EPHB1: variants seen among roughly 807,000 people sequenced by gnomAD.
EPHB1 encodes the protein ephrin type-B receptor 1.
In EPHB1, 30 loss-of-function variants were observed where a neutral mutation model predicts 94.4. That is an observed-to-expected ratio of 0.32 (90% CI 0.24 to 0.43). The LOEUF is 0.43. Among genes scored for constraint, EPHB1 ranks in the 20% least tolerant of loss-of-function variants. The pLI, the probability that EPHB1 is intolerant of heterozygous loss-of-function variation, is 1.00. For missense variants in EPHB1, 1,055 were observed against 1,308.3 expected (o/e 0.81, Z 2.99); for synonymous variants, 522 against 489.1 (o/e 1.07, Z -0.89).
At position 134,801,402 on chromosome 3, in the gene EPHB1, A is replaced by G. The variant is rs139965297; in HGVS notation, c.58+5713A>G. 1.9e-3 allele frequency among the ~76,000 whole-genome samples: 289 copies of G among 152,228 alleles called. 3 individuals carry two copies. Among genetic ancestry groups the G allele is most frequent in the Non-Finnish European group, 1.9e-3 (131 of 68,004 alleles). On this transcript the variant is annotated intron_variant, in intron 1 of 15. Transcript: ENST00000398015. ...CAAAGGAGATGAACCTGGGACCCCT[A>G]TGTGTTCTGGGGGCAGCGGAGGGGG...
intron 13 of EPHB1, among the ~76,000 whole-genome samples, chr3:135,243,738 T>G (rs1943850125): frequency 6.6e-6 from 1 of 152,206 alleles, no homozygotes; most frequent in Non-Finnish European, 1.5e-5. Context: ...AGAGGCAAGT[T>G]GGAGTGCCGG....
chr3:135,090,262 CCTATTCCAGAACCT>C (rs1224111088), intron 3 of EPHB1, among the ~76,000 whole-genome samples: 9 of 152,168 alleles, frequency 5.9e-5, no homozygotes, highest in Non-Finnish European at 8.8e-5. Flanking sequence ...GGGTGTCCTC[CCTATTCCAGAACCT>C]GCAAGCCCCA....
At chr3:135,253,204 CTCT>C (rs1467094487) in intron 15 of EPHB1, among the ~76,000 whole-genome samples, 1 of 150,412 alleles carries the variant, frequency 6.6e-6, no homozygotes, top group Non-Finnish European at 1.5e-5. Flanking sequence ...TGTGCAGAAG[CTCT>C]TGAGTTTAAT....
intron 11 of EPHB1, among the ~76,000 whole-genome samples, chr3:135,196,774 T>C (rs1053630462): frequency 6.6e-6 from 1 of 152,142 alleles, no homozygotes; most frequent in Non-Finnish European, 1.5e-5. Flanking sequence ...GTGGCTACGG[T>C]TCTAGCCCTG....
chr3:134,805,943 C>T (rs2036035102), intron 1 of EPHB1, among the ~76,000 whole-genome samples: 1 of 152,016 alleles, frequency 6.6e-6, no homozygotes, highest in Non-Finnish European at 1.5e-5. Flanking sequence ...CCCACAGCTC[C>T]GTGAGCCTCT....
chr3:135,216,717 T>C (rs1280477134), intron 12 of EPHB1, among the ~76,000 whole-genome samples: 5 of 106,896 alleles, frequency 4.7e-5, no homozygotes, highest in African/African-American at 1.9e-4. Flanking sequence ...AGTGACACTC[T>C]GTCTCAGGGA....
chr3:134,962,477 T>C (rs9859282), intron 3 of EPHB1, among the ~76,000 whole-genome samples: 74,035 of 151,924 alleles, frequency 0.49, 18,748 homozygotes, highest in African/African-American at 0.6. Context: ...GAAATGTCTG[T>C]AGATGGGACA....
chr3:134,933,549 G>GA (rs562400980), intron 2 of EPHB1, among the ~76,000 whole-genome samples: 3,735 of 150,502 alleles, frequency 0.025, 72 homozygotes, highest in Non-Finnish European at 0.035. Flanking sequence ...TGCTAGGTAG[G>GA]AAAAAAAAAA....
intron 1 of EPHB1, among the ~76,000 whole-genome samples, chr3:134,834,507 G>A (rs2036637258): frequency 6.6e-6 from 1 of 152,172 alleles, no homozygotes; most frequent in Non-Finnish European, 1.5e-5. Context: ...ATCCCCAGGG[G>A]CCACCCTTGG....
At chr3:134,922,898 C>T (rs556475226) in intron 1 of EPHB1, among the ~76,000 whole-genome samples, 30 of 152,348 alleles carry the variant, frequency 2.0e-4, no homozygotes, top group African/African-American at 7.0e-4. Context: ...ATTCCCAACT[C>T]CGCCACAAGG....
chr3:135,231,642 G>A (rs1051093453), intron 12 of EPHB1, among the ~76,000 whole-genome samples: 6 of 152,156 alleles, frequency 3.9e-5, no homozygotes, highest in African/African-American at 4.8e-5. Flanking sequence ...TTACTAGTAC[G>A]AAATACATTC....
intron 7 of EPHB1, among the ~76,000 whole-genome samples, chr3:135,163,960 T>G (rs1282803669): frequency 6.6e-6 from 1 of 152,088 alleles, no homozygotes; most frequent in Non-Finnish European, 1.5e-5. Flanking sequence ...CTGCCCAGAG[T>G]CAATGGCCAC....
intron 1 of EPHB1, among the ~76,000 whole-genome samples, chr3:134,915,534 C>T (rs150127362): frequency 1.8e-4 from 28 of 152,312 alleles, no homozygotes; most frequent in Non-Finnish European, 3.4e-4. Context: ...TTCTTGGTCT[C>T]ACTGACTTCA....
chr3:134,998,751 A>G (rs906322118), intron 3 of EPHB1, among the ~76,000 whole-genome samples: 5 of 152,340 alleles, frequency 3.3e-5, no homozygotes, highest in African/African-American at 1.2e-4. Context: ...TGAGGCTTTG[A>G]AAGAATTATA....
At chr3:135,154,001 A>G (rs1941278588) in intron 5 of EPHB1, 151 bp from the exon 6 acceptor site, 2 of 1,051,614 alleles carry the variant, frequency 1.9e-6, no homozygotes, top group Admixed American at 2.2e-5. Flanking sequence ...CAAAACCCAC[A>G]GGAAGTTCTG....
At position 134,841,469 on chromosome 3, in the gene EPHB1, T is replaced by G. The variant is rs114200805; in HGVS notation, c.58+45780T>G. On this transcript the variant is annotated intron_variant, in intron 1 of 15. Coordinates refer to ENST00000398015, the MANE Select transcript of EPHB1 (RefSeq NM_004441.5). ...CACTGCTGAGCTCAGGTATTTTGCT[T>G]TCTAGGGAGGCTTCACAAGGATGGA... 1.3e-3 allele frequency: 193 copies of G among 152,286 alleles called. 1 individual carries two copies. Among genetic ancestry groups the G allele is most frequent in the African/African-American group, 4.5e-3 (185 of 41,548 alleles). 9.4% of individuals were successfully genotyped at this position (152,286 alleles called of 1,614,324 possible). A position where few individuals can be genotyped will look rare whatever the true frequency, so the allele number is the denominator to read the frequency against.
chr3:134,863,667 T>A (rs778927201), intron 1 of EPHB1, among the ~76,000 whole-genome samples: 3 of 152,208 alleles, frequency 2.0e-5, no homozygotes, highest in African/African-American at 7.2e-5. Context: ...AATTCAACAT[T>A]TTTTCATTTG....
At chr3:134,817,732 G>T (rs1393196507) in intron 1 of EPHB1, among the ~76,000 whole-genome samples, 1 of 152,206 alleles carries the variant, frequency 6.6e-6, no homozygotes, top group Non-Finnish European at 1.5e-5. Context: ...TATGGGAAAT[G>T]CTTTGTAAAC....
chr3:135,251,840 G>C (rs541258481), intron 15 of EPHB1, among the ~76,000 whole-genome samples: 5 of 152,300 alleles, frequency 3.3e-5, no homozygotes, highest in African/African-American at 1.2e-4. Context: ...AGCTGTGCTG[G>C]GTTCAGGGGG....
Sources: allele counts gnomAD v4.1 joint callset (sites outside exome capture counted in the v4.1 genomes callset), GRCh38; gene constraint gnomAD v4.1.1; transcripts MANE v1.5; gene names NCBI Gene and HGNC (gene_info 2026-07-23, HGNC 2026-07-21).